CPLX2: variants seen among roughly 807,000 people sequenced by gnomAD.
CPLX2 encodes the protein complexin 2.
CPLX2 carries 5 observed loss-of-function variants against 16.3 expected under a neutral mutation model. The observed-to-expected ratio is 0.31, with a 90% CI of 0.16 to 0.64. CPLX2 has a LOEUF of 0.64. Among genes scored for constraint, CPLX2 ranks in the 30% least tolerant of loss-of-function variants. The pLI, the probability that CPLX2 is intolerant of heterozygous loss-of-function variation, is 0.79. For missense variants in CPLX2, 144 were observed against 181.4 expected (o/e 0.79, Z 1.18); for synonymous variants, 89 against 73.2 (o/e 1.22, Z -1.10).
rs1431387700 is a variant in CPLX2, at chr5:175,797,889, G to A, written c.-169+1105G>A. Among the ~76,000 whole-genome samples, 3 of 152,338 alleles carry A rather than the reference G, an allele frequency of 2.0e-5. No individual in the cohort carries two copies. The East Asian group carries it at 5.8e-4, about 29-fold the overall frequency. ...CCCAAACAGGGAAGCCAGTTCCGCG[G>A]CAGGAAAGCATACGTGGAAGAGAAA... On this transcript the variant is annotated intron_variant, in intron 1 of 4. Transcript: ENST00000359546.
chr5:175,879,988 C>T lies in CPLX2; in HGVS notation c.348C>T (p.Ile116=), dbSNP rs746666225. Reference sequence around the variant, plus strand: ...AGGAGGAGGAGGAAGAGGAGAGCATCCTGGACACGGTGCTCAAATACCTGC... The same window carrying T: ...AGGAGGAGGAGGAAGAGGAGAGCATTCTGGACACGGTGCTCAAATACCTGC... The part of the protein sequence containing the change: ...GDEEEEEEES[I]LDTVLKYLPG... Residue 116 remains isoleucine (I), a synonymous_variant, in exon 4 of 4, where the codon ATC becomes ATT. Transcript: ENST00000393745. 5 of 1,614,022 alleles carry T rather than the reference C, an allele frequency of 3.1e-6. No individual in the cohort carries two copies. The South Asian group carries it at 5.5e-5, about 18-fold the overall frequency.
chr5:175,847,548 A>T (rs1032715989), intron 2 of CPLX2, among the ~76,000 whole-genome samples: 5 of 152,218 alleles, frequency 3.3e-5, no homozygotes, highest in Non-Finnish European at 5.9e-5. Flanking sequence ...GCGCTCTTCC[A>T]TCAGAGTTAC....
chr5:175,844,271 TCCCAGAAATGGAGGCA>T (rs1759001080), intron 2 of CPLX2, among the ~76,000 whole-genome samples: 1 of 152,334 alleles, frequency 6.6e-6, no homozygotes, highest in African/African-American at 2.4e-5. Context: ...AGGGGCTCAT[TCCCAGAAATGGAGGCA>T]CCCAGAAAGG....
intron 2 of CPLX2, among the ~76,000 whole-genome samples, chr5:175,820,876 C>T (rs1246063573): frequency 1.3e-5 from 2 of 152,108 alleles, no homozygotes; most frequent in South Asian, 2.1e-4. Flanking sequence ...TGCTCAGGGC[C>T]GTGGAGATGA....
intron 2 of CPLX2, among the ~76,000 whole-genome samples, chr5:175,857,146 C>T (rs1476116491): frequency 6.6e-6 from 1 of 152,206 alleles, no homozygotes; most frequent in African/African-American, 2.4e-5. Flanking sequence ...GTTCCCATTA[C>T]ATTCCCTGCC....
chr5:175,821,567 C>T (rs934170544), intron 2 of CPLX2, among the ~76,000 whole-genome samples: 9 of 152,014 alleles, frequency 5.9e-5, no homozygotes, highest in African/African-American at 2.2e-4. Flanking sequence ...GTCACCATGC[C>T]CGGCTAATTT....
At chr5:175,803,025 T>C (rs1758128732) in intron 1 of CPLX2, among the ~76,000 whole-genome samples, 1 of 152,144 alleles carries the variant, frequency 6.6e-6, no homozygotes, top group Non-Finnish European at 1.5e-5. Flanking sequence ...AGAGACAGGG[T>C]TTCACCGTGT....
chr5:175,803,389 A>G (rs1306831395), intron 1 of CPLX2, among the ~76,000 whole-genome samples: 3 of 152,198 alleles, frequency 2.0e-5, no homozygotes, highest in African/African-American at 7.2e-5. Context: ...AGTCATATAA[A>G]TACTAGGAAG....
At chr5:175,800,461 G>A (rs1287754236) in intron 1 of CPLX2, among the ~76,000 whole-genome samples, 2 of 148,196 alleles carry the variant, frequency 1.3e-5, no homozygotes, top group Non-Finnish European at 3.0e-5. Context: ...CTCCAGCCTG[G>A]GCAACAAGGC....
At chr5:175,827,452 C>T (rs1477683407) in intron 2 of CPLX2, among the ~76,000 whole-genome samples, 2 of 152,272 alleles carry the variant, frequency 1.3e-5, no homozygotes, top group Admixed American at 6.5e-5. Flanking sequence ...TTCAACATAC[C>T]TTTAAAGTCC....
intron 2 of CPLX2, among the ~76,000 whole-genome samples, chr5:175,831,376 A>C (rs1455906222): frequency 6.6e-6 from 1 of 152,100 alleles, no homozygotes; most frequent in African/African-American, 2.4e-5. Flanking sequence ...TGGAACCCAG[A>C]TTTGCTTCCT....
intron 1 of CPLX2, among the ~76,000 whole-genome samples, chr5:175,873,354 C>A (rs748407593): frequency 1.7e-4 from 26 of 152,084 alleles, no homozygotes; most frequent in Admixed American, 3.3e-4. Context: ...CGCACACACC[C>A]TCATGCACTC....
chr5:175,843,382 TCCC>T (rs892330156), intron 2 of CPLX2, among the ~76,000 whole-genome samples: 14 of 152,200 alleles, frequency 9.2e-5, no homozygotes, highest in Admixed American at 2.0e-4. Context: ...TGTGTGAATG[TCCC>T]CCCAACACAC....
chr5:175,798,336 T>C (rs1758031230), intron 1 of CPLX2, among the ~76,000 whole-genome samples: 1 of 152,248 alleles, frequency 6.6e-6, no homozygotes, highest in Non-Finnish European at 1.5e-5. Flanking sequence ...TCATACTTTC[T>C]GTAAACTTGT....
intron 2 of CPLX2, among the ~76,000 whole-genome samples, chr5:175,862,964 A>G (rs1759400575): frequency 6.6e-6 from 1 of 152,232 alleles, no homozygotes; most frequent in Admixed American, 6.5e-5. Context: ...GAGAGGAGTG[A>G]TGCAGTCAAC....
chr5:175,867,819 A>T (rs1759507119), upstream of CPLX2, among the ~76,000 whole-genome samples: 1 of 151,968 alleles, frequency 6.6e-6, no homozygotes, highest in Non-Finnish European at 1.5e-5. Flanking sequence ...ACTCAAATAC[A>T]CCATTGCACA....
chr5:175,857,553 T>G (rs1759282971), intron 2 of CPLX2, among the ~76,000 whole-genome samples: 1 of 152,198 alleles, frequency 6.6e-6, no homozygotes, highest in South Asian at 2.1e-4. Flanking sequence ...GTTAGCCCAG[T>G]TGTGCAAAGT....
rs1182256237 is a variant in CPLX2 at position 175,872,007 on chromosome 5, C to G, written c.-89+302C>G. 6.6e-6 allele frequency: 1 copy of G among 152,250 alleles called. No individual in the cohort carries two copies. The highest frequency in any genetic ancestry group is 2.4e-5 in the African/African-American group (1 of 41,466). The allele number at this position is 152,250 out of a possible 1,614,324, so 9.4% of individuals were successfully genotyped here. On this transcript the variant is annotated intron_variant, in intron 1 of 3. Coordinates refer to ENST00000393745, the MANE Select transcript of CPLX2 (RefSeq NM_001008220.2). The surrounding 1 kb of genome is among the most constrained non-coding windows in gnomAD (Gnocchi z 5.0). ...AGACTCCGGGCAGAGCCCGAACGGC[C>G]GGGGTCCCGGAGCCAGGACCGCCCC... is the stretch of plus-strand genomic sequence containing the variant.
intron 2 of CPLX2, among the ~76,000 whole-genome samples, chr5:175,837,160 G>C (rs916449167): frequency 1.6e-4 from 24 of 152,208 alleles, no homozygotes; most frequent in African/African-American, 5.5e-4. Flanking sequence ...CTGTGACCTG[G>C]TCAAGGTCAC....
Sources: gnomAD v4.1 joint callset for allele counts (sites outside exome capture counted in the v4.1 genomes callset) on GRCh38, gnomAD v4.1.1 for gene constraint, Gnocchi (gnomAD v3.1) non-coding constraint, MANE v1.5 for transcripts, NCBI Gene and HGNC (gene_info 2026-07-23, HGNC 2026-07-21) for gene names.